CTNNA2: variants seen among roughly 807,000 people sequenced by gnomAD.
CTNNA2 encodes catenin alpha 2.
In CTNNA2, 42 loss-of-function variants were observed where a neutral mutation model predicts 101.0. The ratio of observed to expected loss-of-function variants is 0.42; its 90% CI spans 0.32 to 0.54. CTNNA2 has a LOEUF of 0.54. Ranked by LOEUF, CTNNA2 falls within the 20% of genes least tolerant of loss-of-function variation. CTNNA2 has a pLI of 0.14. For synonymous variants in CTNNA2, 450 were observed against 456.4 expected (o/e 0.99, Z 0.18); for missense variants, 871 against 1,223.1 (o/e 0.71, Z 4.29).
At chr2:79,743,103 C>T (rs1671404874) in intron 2 of CTNNA2, among the ~76,000 whole-genome samples, 2 of 152,010 alleles carry the variant, frequency 1.3e-5, no homozygotes, top group African/African-American at 2.4e-5. Flanking sequence ...CCTCCAATAA[C>T]ATCTTTAGTC....
At chr2:79,410,694 C>T (rs1370470052) in intron 4 of CTNNA2, among the ~76,000 whole-genome samples, 3 of 149,280 alleles carry the variant, frequency 2.0e-5, no homozygotes, top group Admixed American at 6.8e-5. Flanking sequence ...CTGCTGGATT[C>T]GGTTTGCCAG....
intron 7 of CTNNA2, among the ~76,000 whole-genome samples, chr2:79,926,073 C>T (rs975847836): frequency 1.8e-4 from 28 of 152,070 alleles, no homozygotes; most frequent in African/African-American, 6.0e-4. Flanking sequence ...AGCTTCTTAT[C>T]ACTGTTTGGC....
chr2:79,468,355 A>G (rs1212139532), intron 4 of CTNNA2, among the ~76,000 whole-genome samples: 2 of 152,242 alleles, frequency 1.3e-5, no homozygotes, highest in Non-Finnish European at 2.9e-5. Context: ...TGCACCCAAT[A>G]CAGGAGCACC....
At chr2:79,939,730 A>C (rs564556321) in intron 7 of CTNNA2, among the ~76,000 whole-genome samples, 1 of 152,332 alleles carries the variant, frequency 6.6e-6, no homozygotes, top group East Asian at 1.9e-4. Context: ...TATTAGCAAT[A>C]ATCAATTAGA....
intron 7 of CTNNA2, among the ~76,000 whole-genome samples, chr2:80,181,927 T>G (rs903533539): frequency 6.6e-6 from 1 of 152,108 alleles, no homozygotes; most frequent in Non-Finnish European, 1.5e-5. Context: ...AGCCCCCAAA[T>G]CAACTAAAGA....
intron 2 of CTNNA2, among the ~76,000 whole-genome samples, chr2:79,665,758 A>G (rs1451090018): frequency 6.6e-6 from 1 of 152,190 alleles, no homozygotes; most frequent in African/African-American, 2.4e-5. Flanking sequence ...CCATATTATT[A>G]TCTGGGCTTA....
chr2:80,130,966 C>CAA lies in CTNNA2; in HGVS notation c.1056+221179_1056+221180dup, dbSNP rs200904422. Among the ~76,000 whole-genome samples, 613 of 140,246 alleles carry CAA rather than the reference C, an allele frequency of 4.4e-3. 3 individuals are homozygous for CAA. The highest frequency in any genetic ancestry group is 0.021 in the East Asian group (105 of 4,906). 92.0% of individuals were successfully genotyped at this position (140,246 alleles called of 152,430 possible). Reference sequence around the variant, plus strand: ...ATGAGAGAAAATGTCACAGCTATACCAAAAAAAAAAAGAGAAGAATTGATA... The same window carrying CAA: ...ATGAGAGAAAATGTCACAGCTATACCAAAAAAAAAAAAAGAGAAGAATTGATA... On this transcript the variant is annotated intron_variant, in intron 7 of 18. Coordinates refer to ENST00000402739, the MANE Select transcript of CTNNA2 (RefSeq NM_001282597.3).
At chr2:79,906,118 C>T (rs192373406) in intron 6 of CTNNA2, among the ~76,000 whole-genome samples, 4 of 152,196 alleles carry the variant, frequency 2.6e-5, no homozygotes, top group African/African-American at 9.6e-5. Context: ...ATACACATGC[C>T]CGTGTGCATA....
chr2:79,585,365 A>G (rs1318504713), intron 1 of CTNNA2, among the ~76,000 whole-genome samples: 1 of 152,016 alleles, frequency 6.6e-6, no homozygotes, highest in Non-Finnish European at 1.5e-5. Flanking sequence ...ACTGTATTGG[A>G]TAACACTTCC....
At chr2:80,570,793 C>A (rs1166125514) in intron 12 of CTNNA2, among the ~76,000 whole-genome samples, 1 of 152,078 alleles carries the variant, frequency 6.6e-6, no homozygotes, top group African/African-American at 2.4e-5. Context: ...TTCTGACAAC[C>A]CCAGGTCAAT....
At chr2:80,082,713 A>T (rs1174844268) in intron 7 of CTNNA2, among the ~76,000 whole-genome samples, 1 of 152,162 alleles carries the variant, frequency 6.6e-6, no homozygotes, top group East Asian at 1.9e-4. Flanking sequence ...TTATTAGATG[A>T]CCAGAATATG....
Position 80,272,153 on chromosome 2 carries a change from A to G in CTNNA2, c.1057-121058A>G, listed in dbSNP as rs534585221. ...CTTTTCAACTGCTTCTTTTCCCCTT[A>G]TAAATGTATTATTCATATCTACATA... On this transcript the variant is annotated intron_variant, in intron 7 of 18. Transcript: ENST00000402739. Among the ~76,000 whole-genome samples, 6 of 152,362 alleles carry G rather than the reference A, an allele frequency of 3.9e-5. No individual in the cohort carries two copies. In the East Asian group the frequency reaches 1.2e-3, roughly 29 times the overall value.
At chr2:79,679,028 T>C (rs1489644538) in intron 2 of CTNNA2, among the ~76,000 whole-genome samples, 1 of 152,176 alleles carries the variant, frequency 6.6e-6, no homozygotes, top group African/African-American at 2.4e-5. Context: ...TTTATCTCTA[T>C]ATAACAATGT....
intron 15 of CTNNA2, among the ~76,000 whole-genome samples, chr2:80,593,777 A>T (rs58573125): frequency 6.6e-6 from 1 of 152,290 alleles, no homozygotes; most frequent in Non-Finnish European, 1.5e-5. Context: ...TTCAAAGTTC[A>T]TGCATATATT....
At chr2:80,568,399 T>A (rs1431528045) in intron 12 of CTNNA2, among the ~76,000 whole-genome samples, 1 of 152,200 alleles carries the variant, frequency 6.6e-6, no homozygotes, top group Non-Finnish European at 1.5e-5. Flanking sequence ...TATCCTTCTC[T>A]ACCCAACTGG....
intron 18 of CTNNA2, among the ~76,000 whole-genome samples, chr2:80,624,320 A>G (rs1355084742): frequency 1.3e-5 from 2 of 152,010 alleles, no homozygotes; most frequent in African/African-American, 2.4e-5. Context: ...TATGACCTAT[A>G]TGGTCTATGT....
intron 3 of CTNNA2, among the ~76,000 whole-genome samples, chr2:79,359,913 A>G (rs1218930459): frequency 1.3e-5 from 2 of 152,192 alleles, no homozygotes; most frequent in African/African-American, 4.8e-5. Context: ...TTATGTGCCC[A>G]AGAATAGAGA....
At chr2:80,153,211 G>T (rs1379880357) in intron 7 of CTNNA2, among the ~76,000 whole-genome samples, 1 of 152,176 alleles carries the variant, frequency 6.6e-6, no homozygotes, top group African/African-American at 2.4e-5. Flanking sequence ...ACCCAAGGCT[G>T]CAGGTGCCAT....
intron 4 of CTNNA2, among the ~76,000 whole-genome samples, chr2:79,861,536 A>G (rs1042224681): frequency 6.6e-6 from 1 of 152,190 alleles, no homozygotes; most frequent in African/African-American, 2.4e-5. Flanking sequence ...GCATTTTGCT[A>G]CTTGATAATT....
Sources: gnomAD v4.1 joint callset for allele counts (sites outside exome capture counted in the v4.1 genomes callset) on GRCh38, gnomAD v4.1.1 for gene constraint, MANE v1.5 for transcripts, NCBI Gene and HGNC (gene_info 2026-07-23, HGNC 2026-07-21) for gene names.